ACOT1: variants seen among roughly 807,000 people sequenced by gnomAD.
ACOT1 encodes the protein acyl-coenzyme A thioesterase 1.
A neutral mutation model predicts 15.7 loss-of-function variants in ACOT1; 8 were observed. The observed-to-expected ratio is 0.51, with a 90% confidence interval of 0.30 to 0.92. The LOEUF (loss-of-function observed/expected upper bound fraction) is 0.92. Among genes scored for constraint, ACOT1 ranks in the 40% least tolerant of loss-of-function variants. The pLI is 0.06. For missense variants in ACOT1, 151 were observed against 539.4 expected (o/e 0.28, Z 7.13); for synonymous variants, 67 against 241.2 (o/e 0.28, Z 6.69).
the ACOT1 span, chr14:73,495,503 A>G: frequency 1.2e-6 from 1 of 815,566 alleles, no homozygotes; most frequent in South Asian, 1.8e-5. Flanking sequence ...GGATCACTTG[A>G]GCCCAACAGT....
chr14:73,537,505 G>A lies in ACOT1; in HGVS notation c.84G>A (p.Pro28=), dbSNP rs1188294139. 5 of 1,215,248 alleles carry A rather than the reference G, an allele frequency of 4.1e-6. 1 individual carries two copies. Among genetic ancestry groups the A allele is most frequent in the African/African-American group, 3.1e-5 (2 of 64,384 alleles). The allele number at this position is 1,215,248 out of a possible 1,614,324, so 75.3% of individuals were successfully genotyped here. Residue 28 remains proline (P), a synonymous_variant, in exon 1 of 3, where the codon CCG becomes CCA. Coordinates refer to ENST00000311148, the MANE Select transcript of ACOT1 (RefSeq NM_001037161.2). Reference sequence around the variant, plus strand: ...GAATCGCCGTGCGCGGCCTAGCCCCGGAGCAGCCGGTCACGCTGCGCGCGT... The same window carrying A: ...GAATCGCCGTGCGCGGCCTAGCCCCAGAGCAGCCGGTCACGCTGCGCGCGT... The part of the protein sequence containing the change: ...PVRIAVRGLA[P]EQPVTLRASL...
chr14:73,504,082 T>C, the ACOT1 span, among the ~76,000 whole-genome samples: 1 of 151,180 alleles, frequency 6.6e-6, no homozygotes, highest in Non-Finnish European at 1.5e-5. Flanking sequence ...ATTTCTTTTT[T>C]TTTTTTTTTT....
At chr14:73,509,588 G>T in the ACOT1 span, 2 of 982,328 alleles carry the variant, frequency 2.0e-6, no homozygotes, top group Non-Finnish European at 3.1e-6. Context: ...GTTGCTTAGT[G>T]CTATGTAATA....
At chr14:73,509,495 AAG>A in the ACOT1 span, 385 of 1,612,674 alleles carry the variant, frequency 2.4e-4, no homozygotes, top group Non-Finnish European at 3.2e-4. Context: ...AGAGCCAGGT[AAG>A]AGAGTACTAG....
At chr14:73,530,449 G>T in the ACOT1 span, 2 of 130,130 alleles carry the variant, frequency 1.5e-5, no homozygotes, top group African/African-American at 5.3e-5. Flanking sequence ...GGGAGAGTGG[G>T]ATTAGGGAAC....
chr14:73,496,788 T>C, the ACOT1 span: 1 of 675,232 alleles, frequency 1.5e-6, no homozygotes, highest in Admixed American at 2.5e-5. Context: ...GTTCCAATCC[T>C]AACTGTGCAG....
the ACOT1 span, among the ~76,000 whole-genome samples, chr14:73,499,958 G>A: frequency 6.6e-6 from 1 of 152,168 alleles, no homozygotes; most frequent in Non-Finnish European, 1.5e-5. Context: ...TGCCAGGCGC[G>A]GTGGCTCACG....
intron 1 of ACOT1, chr14:73,539,685 G>T (rs1889008282): frequency 8.4e-6 from 1 of 118,728 alleles, no homozygotes; most frequent in South Asian, 2.7e-4. Context: ...GTCACATGCA[G>T]CTCCCTGAGA....
rs1276663743 is a variant in ACOT1, at chr14:73,537,150, G to A, written c.-272G>A. On this transcript the variant is annotated 5_prime_UTR_variant, in exon 1 of 3. Coordinates refer to ENST00000311148, the MANE Select transcript of ACOT1 (RefSeq NM_001037161.2). ...CCAGTCCTGGCCCAGCCCATTCCGC[G>A]AGCCAGCAAGCTTCTGAAAAGCAAA... 37 of 341,838 alleles carry A rather than the reference G, an allele frequency of 1.1e-4. 9 individuals carry two copies. The highest frequency in any genetic ancestry group is 7.8e-4 in the Middle Eastern group (1 of 1,278). The allele number at this position is 341,838 out of a possible 1,614,324, so 21.2% of individuals were successfully genotyped here.
At chr14:73,491,329 G>A in the ACOT1 span, 1 of 1,472,638 alleles carries the variant, frequency 6.8e-7, no homozygotes, top group Non-Finnish European at 9.0e-7. Flanking sequence ...GGCCCGCAGA[G>A]CTGCTGGAGG....
chr14:73,525,778 C>T, the ACOT1 span, among the ~76,000 whole-genome samples: 1 of 151,990 alleles, frequency 6.6e-6, no homozygotes, highest in Non-Finnish European at 1.5e-5. Flanking sequence ...CATGGAGAAA[C>T]CCCATCTCTA....
the ACOT1 span, chr14:73,493,046 A>G: frequency 3.1e-6 from 5 of 1,600,904 alleles, no homozygotes; most frequent in Non-Finnish European, 4.2e-6. Context: ...CTTGATAAGC[A>G]TCAGTGTGCT....
chr14:73,520,820 G>A, the ACOT1 span: 1 of 1,589,318 alleles, frequency 6.3e-7, no homozygotes, highest in Non-Finnish European at 8.6e-7. Context: ...ATGTCCCCGT[G>A]TGCCCCTACC....
chr14:73,519,129 C>T, the ACOT1 span: 2 of 1,613,774 alleles, frequency 1.2e-6, no homozygotes, highest in East Asian at 2.2e-5. Flanking sequence ...TCTGGTCTCT[C>T]TTTGCACCAA....
upstream of ACOT1, among the ~76,000 whole-genome samples, chr14:73,533,658 G>A (rs1362044171): frequency 8.9e-6 from 1 of 112,730 alleles, no homozygotes; most frequent in African/African-American, 2.9e-5. Flanking sequence ...CAGCCTGGGG[G>A]GACAGAGCAA....
chr14:73,506,694 G>A, the ACOT1 span: 1 of 629,632 alleles, frequency 1.6e-6, no homozygotes, highest in Non-Finnish European at 2.7e-6. Context: ...ACAAGAGATG[G>A]GGCATGTTTC....
chr14:73,537,434 C>G lies in ACOT1; in HGVS notation c.13C>G (p.Leu5Val). Reference protein sequence around the residue: MAATLILEPAGRCCW... With the variant: MAATVILEPAGRCCW... Reference sequence around the variant, plus strand: ...GGTTCCTGCTCGGATGGCGGCGACGCTGATCCTGGAGCCCGCGGGCCGCTG... The same window carrying G: ...GGTTCCTGCTCGGATGGCGGCGACGGTGATCCTGGAGCCCGCGGGCCGCTG... Residue 5 changes from leucine to valine, a missense_variant, in exon 1 of 3, where the codon CTG becomes GTG. Transcript: ENST00000311148. 3 of 1,233,966 alleles carry G rather than the reference C, an allele frequency of 2.4e-6. 1 individual carries two copies. The highest frequency in any genetic ancestry group is 3.2e-6 in the Non-Finnish European group (3 of 931,282). 76.4% of individuals were successfully genotyped at this position (1,233,966 alleles called of 1,614,324 possible). A position where few individuals can be genotyped will look rare whatever the true frequency, so the allele number is the denominator to read the frequency against.
At chr14:73,527,517 T>C in the ACOT1 span, 2 of 150,010 alleles carry the variant, frequency 1.3e-5, no homozygotes, top group South Asian at 4.3e-4. Context: ...CTTTTGTTTC[T>C]TTACTTCTCT....
the ACOT1 span, chr14:73,502,865 G>A: frequency 6.7e-7 from 1 of 1,501,174 alleles, no homozygotes. Context: ...GAATTTAGAA[G>A]AGTGTCTCCT....
Sources: allele counts gnomAD v4.1 joint callset (sites outside exome capture counted in the v4.1 genomes callset), GRCh38; gene constraint gnomAD v4.1.1; transcripts MANE v1.5; gene names NCBI Gene and HGNC (gene_info 2026-07-23, HGNC 2026-07-21).